CCDC7: variants seen among roughly 807,000 people sequenced by gnomAD.
The protein encoded by CCDC7 is coiled-coil domain-containing protein 7.
In CCDC7, 183 loss-of-function variants were observed where a neutral mutation model predicts 196.9. That is an observed-to-expected ratio of 0.93 (90% CI 0.82 to 1.05). The LOEUF (loss-of-function observed/expected upper bound fraction) is 1.05, where lower values mean the gene tolerates loss of function less well. Ranked by LOEUF, CCDC7 falls within the 50% of genes least tolerant of loss-of-function variation. The probability of loss-of-function intolerance (pLI) is 0.00; values close to 1 mark genes in which losing one functional copy is unlikely to be tolerated. For missense variants in CCDC7, 1,540 were observed against 1,482.2 expected, an observed-to-expected ratio of 1.04 and a Z score of -0.64; for synonymous variants, 525 against 484.6, an observed-to-expected ratio of 1.08 and a Z score of -1.10.
At chr10:32,640,935 T>G (rs2066682792) in intron 20 of CCDC7, among the ~76,000 whole-genome samples, 2 of 144,766 alleles carry the variant, frequency 1.4e-5, no homozygotes, top group Admixed American at 1.5e-4. Context: ...GCAGGTTAGT[T>G]ACATATGTAT....
chr10:32,606,629 C>T (rs1375370945), intron 18 of CCDC7, among the ~76,000 whole-genome samples: 1 of 152,192 alleles, frequency 6.6e-6, no homozygotes, highest in Non-Finnish European at 1.5e-5. Flanking sequence ...TATTTTGGAG[C>T]TTTAAGATTT....
chr10:32,685,422 C>T (rs1591578168), intron 21 of CCDC7, among the ~76,000 whole-genome samples: 2 of 152,062 alleles, frequency 1.3e-5, no homozygotes, highest in South Asian at 4.2e-4. Context: ...TTTTAGCAGC[C>T]CAAAGCCATG....
intron 33 of CCDC7, among the ~76,000 whole-genome samples, chr10:32,842,113 A>G (rs2093013806): frequency 6.6e-6 from 1 of 152,124 alleles, no homozygotes; most frequent in Non-Finnish European, 1.5e-5. Context: ...ACTTAATTAA[A>G]TTAAAAAGCT....
intron 9 of CCDC7, among the ~76,000 whole-genome samples, chr10:32,498,487 T>TACAATTTGGTATGTTTTTGC (rs1458669473): frequency 6.6e-6 from 1 of 152,232 alleles, no homozygotes; most frequent in Non-Finnish European, 1.5e-5. Context: ...CGATGGTCTT[T>TACAATTTGGTATGTTTTTGC]ACAATTTGGT....
chr10:32,479,744 T>C (rs1329912171), intron 8 of CCDC7, among the ~76,000 whole-genome samples: 1 of 152,172 alleles, frequency 6.6e-6, no homozygotes, highest in African/African-American at 2.4e-5. Flanking sequence ...TATTCCTTCC[T>C]CTTCAAGATT....
At chr10:32,453,498 A>G in intron 2 of CCDC7, 62 bp downstream of exon 3, 5 of 1,133,214 alleles carry the variant, frequency 4.4e-6, no homozygotes, top group Non-Finnish European at 5.8e-6. Flanking sequence ...TTTCTTTTTA[A>G]AAATATAAAT....
chr10:32,540,756 G>C (rs182392039), intron 11 of CCDC7, among the ~76,000 whole-genome samples: 69 of 152,204 alleles, frequency 4.5e-4, no homozygotes, highest in Non-Finnish European at 7.8e-4. Flanking sequence ...GATGGGTGGG[G>C]TTCTTTTTGT....
At chr10:32,627,579 G>T (rs987950792) in intron 18 of CCDC7, among the ~76,000 whole-genome samples, 1 of 151,846 alleles carries the variant, frequency 6.6e-6, no homozygotes, top group Non-Finnish European at 1.5e-5. Flanking sequence ...GGGCATTCTT[G>T]TCTTGTCCAG....
intron 28 of CCDC7, among the ~76,000 whole-genome samples, chr10:32,758,723 C>A (rs2076910428): frequency 6.6e-6 from 1 of 152,116 alleles, no homozygotes; most frequent in South Asian, 2.1e-4. Flanking sequence ...TCCTATTCAA[C>A]ATAGTGTTGA....
Position 32,565,637 on chromosome 10 carries a change from T to A in CCDC7, c.1197+17T>A. The A allele has an allele frequency of 6.3e-7, 1 of 1,597,164 alleles. No homozygotes were observed. The highest frequency in any genetic ancestry group is 1.1e-5 in the South Asian group (1 of 87,704). On this transcript the variant is annotated intron_variant, in intron 14 of 41. Transcript: ENST00000639629. Reference sequence around the variant, plus strand: ...GCTTTACAGGTAAAGGATGTCATGTTTCTTTAACATTGTTAACAAGTAAAG... The same window carrying A: ...GCTTTACAGGTAAAGGATGTCATGTATCTTTAACATTGTTAACAAGTAAAG...
chr10:32,528,705 T>C (rs1486547364), intron 11 of CCDC7, among the ~76,000 whole-genome samples: 2 of 144,290 alleles, frequency 1.4e-5, no homozygotes, highest in African/African-American at 2.6e-5. Flanking sequence ...CACATATATA[T>C]GTATATATAC....
chr10:32,716,890 T>C (rs2081672898), intron 25 of CCDC7, among the ~76,000 whole-genome samples: 1 of 152,148 alleles, frequency 6.6e-6, no homozygotes, highest in South Asian at 2.1e-4. Flanking sequence ...GCACCCAGAT[T>C]CATAAAGAAC....
chr10:32,452,605 A>G (rs541485114), intron 1 of CCDC7, among the ~76,000 whole-genome samples: 17 of 152,286 alleles, frequency 1.1e-4, no homozygotes, highest in Non-Finnish European at 1.9e-4. Flanking sequence ...CTACAGGAGC[A>G]TGCCACCATG....
At chr10:32,524,632 G>A (rs546113095) in intron 11 of CCDC7, among the ~76,000 whole-genome samples, 2 of 152,296 alleles carry the variant, frequency 1.3e-5, no homozygotes, top group East Asian at 3.9e-4. Flanking sequence ...AATGCTTAAA[G>A]AATATTTTTG....
intron 29 of CCDC7, among the ~76,000 whole-genome samples, chr10:32,786,372 G>T (rs2081879967): frequency 6.6e-6 from 1 of 152,144 alleles, no homozygotes. Flanking sequence ...ATAATAAAAA[G>T]AAGTAAGTAT....
chr10:32,642,533 AGGTGCCACCTGGAAAAG>A (rs575232281), intron 20 of CCDC7, among the ~76,000 whole-genome samples: 191 of 152,264 alleles, frequency 1.3e-3, no homozygotes, highest in South Asian at 2.5e-3. Context: ...CCAATTTTCC[AGGTGCCACCTGGAAAAG>A]GGTGCCACCC....
chr10:32,588,163 A>C (rs2059466094), intron 18 of CCDC7, among the ~76,000 whole-genome samples: 2 of 152,138 alleles, frequency 1.3e-5, no homozygotes, highest in Non-Finnish European at 2.9e-5. Flanking sequence ...TGGCTCCTCA[A>C]CTTTGAAATC....
At chr10:32,753,942 A>G (rs2076026548) in intron 28 of CCDC7, among the ~76,000 whole-genome samples, 2 of 152,128 alleles carry the variant, frequency 1.3e-5, no homozygotes, top group Non-Finnish European at 2.9e-5. Context: ...CAATGAAACA[A>G]ATGATTTTTT....
chr10:32,615,025 A>G (rs2062624857), intron 18 of CCDC7, among the ~76,000 whole-genome samples: 1 of 152,128 alleles, frequency 6.6e-6, no homozygotes, highest in South Asian at 2.1e-4. Context: ...ATGCATACCT[A>G]CACCCACCCA....
Sources: gnomAD v4.1 joint callset for allele counts (sites outside exome capture counted in the v4.1 genomes callset) on GRCh38, gnomAD v4.1.1 for gene constraint, MANE v1.5 for transcripts, NCBI Gene and HGNC (gene_info 2026-07-23, HGNC 2026-07-21) for gene names.